Variants in SLC39A10 observed in about 807,000 individuals in gnomAD.
The protein encoded by SLC39A10 is zinc transporter ZIP10.
A neutral mutation model predicts 65.1 loss-of-function variants in SLC39A10; 13 were observed. That is an observed-to-expected ratio of 0.20 (90% CI 0.13 to 0.32). The LOEUF is 0.32. Ranked by LOEUF, SLC39A10 falls within the 10% of genes least tolerant of loss-of-function variation. The probability of loss-of-function intolerance (pLI) is 1.00; values close to 1 mark genes in which losing one functional copy is unlikely to be tolerated. For synonymous variants in SLC39A10, 321 were observed against 342.2 expected, an observed-to-expected ratio of 0.94 and a Z score of 0.68; for missense variants, 831 against 1,018.4, an observed-to-expected ratio of 0.82 and a Z score of 2.50.
intron 5 of SLC39A10, 142 bp from the exon 6 acceptor site, chr2:195,713,289 AAT>A: frequency 1.6e-6 from 1 of 627,526 alleles, no homozygotes; most frequent in Admixed American, 4.1e-5. Flanking sequence ...TACTCCCAAG[AAT>A]TTTTTTTCAC....
intron 1 of SLC39A10, among the ~76,000 whole-genome samples, chr2:195,663,023 A>C (rs1490769523): frequency 7.2e-5 from 11 of 152,186 alleles, no homozygotes; most frequent in Non-Finnish European, 1.5e-5. Flanking sequence ...CGGAAAAGGA[A>C]TGTGAAGCCC....
chr2:195,703,434 A>C (rs1691270607), intron 3 of SLC39A10, among the ~76,000 whole-genome samples: 1 of 152,186 alleles, frequency 6.6e-6, no homozygotes, highest in African/African-American at 2.4e-5. Context: ...CAAAGTTATC[A>C]AAAGATATAG....
chr2:195,676,361 CT>C (rs372606204), intron 1 of SLC39A10, among the ~76,000 whole-genome samples: 23,014 of 142,174 alleles, frequency 0.16, 2,043 homozygotes, highest in African/African-American at 0.26. Context: ...GGCCTATAAG[CT>C]TTTTTTTTTT....
At chr2:195,650,206 C>A (rs1411753942) in intron 2 of SLC39A10, among the ~76,000 whole-genome samples, 1 of 149,798 alleles carries the variant, frequency 6.7e-6, no homozygotes, top group Non-Finnish European at 1.5e-5. Context: ...GGCATGAACC[C>A]GGGAGGCGGA....
chr2:195,674,892 A>G (rs530225062), intron 1 of SLC39A10, among the ~76,000 whole-genome samples: 103 of 152,362 alleles, frequency 6.8e-4, no homozygotes, highest in African/African-American at 2.4e-3. Context: ...GAAAAGGTAC[A>G]GTAAAAATTC....
chr2:195,701,237 G>GT (rs1286617353), intron 3 of SLC39A10, among the ~76,000 whole-genome samples: 1 of 151,140 alleles, frequency 6.6e-6, no homozygotes, highest in Non-Finnish European at 1.5e-5. Flanking sequence ...TTTCATTTCA[G>GT]TTATTGTACT....
chr2:195,661,511 A>T (rs1032162564), intron 1 of SLC39A10, among the ~76,000 whole-genome samples: 7 of 152,216 alleles, frequency 4.6e-5, no homozygotes, highest in African/African-American at 1.7e-4. Context: ...AAGTGCTGGG[A>T]TTACAGGCAT....
At chr2:195,710,340 CA>C (rs1167672930) in intron 5 of SLC39A10, among the ~76,000 whole-genome samples, 11 of 151,682 alleles carry the variant, frequency 7.3e-5, no homozygotes, top group Non-Finnish European at 4.4e-5. Flanking sequence ...AAGCTTTCCA[CA>C]AAAAAAAGAG....
Position 195,728,427 on chromosome 2 carries a change from A to G in SLC39A10, c.2337+78A>G, listed in dbSNP as rs73987260. 2,790 of 1,329,848 alleles carry G rather than the reference A, an allele frequency of 2.1e-3. 58 individuals are homozygous for G. The African/African-American group carries it at 0.035, about 17-fold the overall frequency. The allele number at this position is 1,329,848 out of a possible 1,614,324, so 82.4% of individuals were successfully genotyped here. On this transcript the variant is annotated intron_variant, in intron 9 of 9. Transcript: ENST00000359634. The surrounding 1 kb of genome is among the most constrained non-coding windows in gnomAD (Gnocchi z 4.4). ...CTTGGAAGTGGTTTGAAGCCAAACT[A>G]TTTTTGAAAATATAACTCATTTTAA...
chr2:195,681,659 C>G (rs943751482), intron 2 of SLC39A10, among the ~76,000 whole-genome samples: 1 of 152,002 alleles, frequency 6.6e-6, no homozygotes, highest in African/African-American at 2.4e-5. Flanking sequence ...TATCTGAAGA[C>G]TTAAGTGTTT....
intron 2 of SLC39A10, among the ~76,000 whole-genome samples, chr2:195,644,890 C>CTTTA (rs55931319): frequency 0.17 from 23,015 of 137,892 alleles, 1,997 homozygotes; most frequent in African/African-American, 0.23. Flanking sequence ...AATCTAACTA[C>CTTTA]TTTATTTATT....
intron 2 of SLC39A10, among the ~76,000 whole-genome samples, chr2:195,646,452 C>T (rs913343211): frequency 6.6e-6 from 1 of 152,178 alleles, no homozygotes; most frequent in African/African-American, 2.4e-5. Flanking sequence ...TCAAACAATA[C>T]AAATTTGTTA....
chr2:195,676,101 C>A (rs753173327), intron 1 of SLC39A10, among the ~76,000 whole-genome samples: 5 of 151,946 alleles, frequency 3.3e-5, no homozygotes, highest in African/African-American at 7.3e-5. Flanking sequence ...TTTATATACT[C>A]TGGATACTGA....
At chr2:195,675,815 A>G (rs550813661) in intron 1 of SLC39A10, among the ~76,000 whole-genome samples, 19 of 152,278 alleles carry the variant, frequency 1.2e-4, no homozygotes, top group Admixed American at 4.6e-4. Context: ...GAGTGTGTTC[A>G]TATTTGGCTG....
chr2:195,667,619 A>G lies in SLC39A10; in HGVS notation c.-12+10338A>G, dbSNP rs145703459. 4.6e-5 allele frequency among the ~76,000 whole-genome samples: 7 copies of G among 152,342 alleles called. No homozygotes were observed. The East Asian group carries it at 1.3e-3, about 29-fold the overall frequency. ...AAGATACATAATACTACATCTAATA[A>G]TGGTAATACCTTAGGTTAATATATT... On this transcript the variant is annotated intron_variant, in intron 1 of 9. Transcript: ENST00000359634.
rs371671177 is a variant in SLC39A10, at chr2:195,644,890, C to CTTTTA, written c.-11-35139_-11-35138insTATTT. Among the ~76,000 whole-genome samples, 84 of 138,218 alleles carry CTTTTA rather than the reference C, an allele frequency of 6.1e-4. 2 individuals are homozygous for CTTTTA. The East Asian group carries it at 0.023, about 37-fold the overall frequency. The allele number at this position is 138,218 out of a possible 152,430, so 90.7% of individuals were successfully genotyped here. ...GCCTCACCCATGACCAATCTAACTA[C>CTTTTA]TTTATTTATTTATTTATTTATTTAT... On this transcript the variant is annotated intron_variant, in intron 2 of 2. Transcript: ENST00000458054.
intron 2 of SLC39A10, among the ~76,000 whole-genome samples, chr2:195,617,454 C>T (rs1053855755): frequency 6.6e-6 from 1 of 151,716 alleles, no homozygotes; most frequent in East Asian, 2.0e-4. Context: ...CCCAGCTACT[C>T]GGGAGGCTGA....
chr2:195,729,988 A>G (rs1487293136), intron 9 of SLC39A10, among the ~76,000 whole-genome samples: 2 of 9,356 alleles, frequency 2.1e-4, no homozygotes, highest in African/African-American at 7.5e-4. Context: ...TTTTTTTTGT[A>G]GACACGGAGT....
chr2:195,676,790 A>T (rs1468472223), intron 1 of SLC39A10, among the ~76,000 whole-genome samples: 1 of 152,180 alleles, frequency 6.6e-6, no homozygotes, highest in African/African-American at 2.4e-5. Context: ...GAATGTGCTT[A>T]TGAAGTCTCA....
Sources: gnomAD v4.1 joint callset for allele counts (sites outside exome capture counted in the v4.1 genomes callset) on GRCh38, gnomAD v4.1.1 for gene constraint, Gnocchi (gnomAD v3.1) non-coding constraint, MANE v1.5 for transcripts, NCBI Gene and HGNC (gene_info 2026-07-23, HGNC 2026-07-21) for gene names.